Variants in SASH1 observed in about 807,000 individuals in gnomAD.
SASH1 encodes SAM and SH3 domain containing 1.
SASH1 carries 44 observed loss-of-function variants against 125.2 expected under a neutral mutation model. That is an observed-to-expected ratio of 0.35 (90% CI 0.28 to 0.45). SASH1 has a LOEUF of 0.45. SASH1 is among the 20% of genes least tolerant of loss of function. SASH1 has a pLI of 1.00. For synonymous variants in SASH1, 639 were observed against 649.1 expected (o/e 0.98, Z 0.24); for missense variants, 1,426 against 1,614.5 (o/e 0.88, Z 2.00).
chr6:148,482,021 A>C (rs1778643051), intron 7 of SASH1, among the ~76,000 whole-genome samples: 1 of 149,412 alleles, frequency 6.7e-6, no homozygotes, highest in Non-Finnish European at 1.5e-5. Context: ...TTGGCAAGTA[A>C]GTTCAGGACA....
At chr6:148,369,200 A>C (rs1782612649) in intron 1 of SASH1, among the ~76,000 whole-genome samples, 1 of 152,194 alleles carries the variant, frequency 6.6e-6, no homozygotes, top group South Asian at 2.1e-4. Flanking sequence ...TGCAGCACAG[A>C]GGGAGAATCT....
chr6:148,448,621 C>A (rs6570849), intron 4 of SASH1, among the ~76,000 whole-genome samples: 5 of 151,932 alleles, frequency 3.3e-5, no homozygotes, highest in Non-Finnish European at 7.4e-5. Context: ...TGAGTGCACC[C>A]CAGGCTTTTT....
At chr6:148,371,280 A>G (rs1782690898) in intron 1 of SASH1, among the ~76,000 whole-genome samples, 1 of 151,334 alleles carries the variant, frequency 6.6e-6, no homozygotes, top group Admixed American at 6.6e-5. Context: ...CTAGTTGGCT[A>G]TTCTTTTTTT....
At chr6:148,200,366 A>C in the SASH1 span, among the ~76,000 whole-genome samples, 2 of 152,034 alleles carry the variant, frequency 1.3e-5, no homozygotes, top group African/African-American at 4.8e-5. Flanking sequence ...CTAGAAGCTC[A>C]AGGCTGCGCT....
chr6:148,533,959 C>T lies in SASH1; in HGVS notation c.1923C>T (p.Leu641=). The T allele has an allele frequency of 1.9e-6, 3 of 1,613,966 alleles. No individual in the cohort carries two copies. Among genetic ancestry groups the T allele is most frequent in the Non-Finnish European group, 2.5e-6 (3 of 1,179,874 alleles). The change falls in exon 15 of 20, where the codon CTC becomes CTT. Residue 641 remains leucine, a synonymous_variant. Coordinates refer to ENST00000367467, the MANE Select transcript of SASH1 (RefSeq NM_015278.5). The surrounding 1 kb of genome is among the most constrained non-coding windows in gnomAD (Gnocchi z 6.2). ...CCCAGCCCAAGTCTGTGGAGGATCT[C>T]CTGGATCGGATTAACCTAAAAGTCA... ...RPPQPKSVED[L]LDRINLKEHM...
chr6:148,393,351 C>T (rs1225734311), intron 2 of SASH1, among the ~76,000 whole-genome samples: 14 of 151,990 alleles, frequency 9.2e-5, no homozygotes, highest in South Asian at 2.1e-4. Flanking sequence ...TAAGCCACCG[C>T]GCCTGGCCAG....
At chr6:148,416,376 T>G (rs536197408) in intron 2 of SASH1, among the ~76,000 whole-genome samples, 4 of 152,250 alleles carry the variant, frequency 2.6e-5, no homozygotes, top group Admixed American at 1.3e-4. Flanking sequence ...TGTACACTCT[T>G]TTTGAGGAAT....
chr6:148,544,797 G>A lies in SASH1; in HGVS notation c.3327G>A (p.Thr1109=), dbSNP rs141946222. The change falls in exon 18 of 20, where the codon ACG becomes ACA. Residue 1109 remains threonine, a synonymous_variant. Transcript: ENST00000367467. The surrounding 1 kb of genome is among the most constrained non-coding windows in gnomAD (Gnocchi z 6.4). Reference sequence around the variant, plus strand: ...TGCACGCTGAAGGCATCGATCTCACGGAGGAGCCGTATTCTGATAAGGTAT... The same window carrying A: ...TGCACGCTGAAGGCATCGATCTCACAGAGGAGCCGTATTCTGATAAGGTAT... ...NKLHAEGIDL[T]EEPYSDKHGR... 4,389 of 1,594,610 alleles carry A rather than the reference G, an allele frequency of 2.8e-3. 9 individuals are homozygous for A. Among genetic ancestry groups the A allele is most frequent in the Non-Finnish European group, 3.5e-3 (4,138 of 1,170,512 alleles).
chr6:148,473,879 T>G (rs1043481267), intron 6 of SASH1, among the ~76,000 whole-genome samples: 1 of 152,170 alleles, frequency 6.6e-6, no homozygotes, highest in African/African-American at 2.4e-5. Context: ...AAGGATTTGT[T>G]TCTATGGTGA....
chr6:148,326,359 C>CATATATATATATATAT (rs1212032481), intron 1 of SASH1, among the ~76,000 whole-genome samples: 1 of 14,604 alleles, frequency 6.8e-5, no homozygotes, highest in Non-Finnish European at 1.3e-4. Flanking sequence ...TATATATATG[C>CATATATATATATATAT]ATATATATAT....
chr6:148,476,748 A>G (rs917875433), intron 7 of SASH1, among the ~76,000 whole-genome samples: 1 of 152,300 alleles, frequency 6.6e-6, no homozygotes, highest in Non-Finnish European at 1.5e-5. Flanking sequence ...AATACCTAGA[A>G]CAGCCAAAGC....
chr6:148,234,642 A>T, the SASH1 span, among the ~76,000 whole-genome samples: 2 of 152,086 alleles, frequency 1.3e-5, no homozygotes, highest in Admixed American at 1.3e-4. Flanking sequence ...TCTGGCCAAC[A>T]TGAGGAAACC....
rs1235807218 is a variant in SASH1 at position 148,437,195 on chromosome 6, A to G, written c.286-2989A>G. On this transcript the variant is annotated intron_variant, in intron 2 of 19. Coordinates refer to ENST00000367467, the MANE Select transcript of SASH1 (RefSeq NM_015278.5). ...GTGTTATAATAACGGAATTTTGCCAATAGTTTATTCCATTTTTCTTTCTCC... is the reference window on the plus strand; with the variant it reads ...GTGTTATAATAACGGAATTTTGCCAGTAGTTTATTCCATTTTTCTTTCTCC... 4.6e-5 allele frequency among the ~76,000 whole-genome samples: 7 copies of G among 152,274 alleles called. No individual in the cohort carries two copies. In the East Asian group the frequency reaches 1.3e-3, roughly 29 times the overall value.
At chr6:148,383,466 AGTCT>A (rs1783235028) in intron 1 of SASH1, among the ~76,000 whole-genome samples, 2 of 152,190 alleles carry the variant, frequency 1.3e-5, no homozygotes, top group African/African-American at 4.8e-5. Flanking sequence ...AGGAGTCAGC[AGTCT>A]GTCTTTCTCT....
chr6:148,533,956 T>A lies in SASH1; in HGVS notation c.1920T>A (p.Asp640Glu). The A allele has an allele frequency of 6.2e-7, 1 of 1,613,958 alleles. No homozygotes were observed. The highest frequency in any genetic ancestry group is 8.5e-7 in the Non-Finnish European group (1 of 1,179,876). Residue 640 changes from aspartate to glutamate, a missense_variant, in exon 15 of 20, where the codon GAT becomes GAA. This residue lies in a region of SASH1 where 225 missense variants were observed against 344.5 expected (regional missense o/e 0.65). Transcript: ENST00000367467. This position sits in a 1 kb window ranked among gnomAD's most constrained non-coding sequence, Gnocchi z 6.2. ...CACCCCAGCCCAAGTCTGTGGAGGA[T>A]CTCCTGGATCGGATTAACCTAAAAG... Reference protein sequence around the residue: ...GRPPQPKSVEDLLDRINLKEH... With the variant: ...GRPPQPKSVEELLDRINLKEH...
intron 1 of SASH1, among the ~76,000 whole-genome samples, chr6:148,305,641 A>AG (rs200811697): frequency 0.16 from 21,043 of 128,952 alleles, 1,600 homozygotes; most frequent in South Asian, 0.23. Flanking sequence ...AAAAAAAAAA[A>AG]AAAGAAAGAA....
At chr6:148,307,048 CTT>C (rs1373405668) in intron 1 of SASH1, among the ~76,000 whole-genome samples, 5 of 120,438 alleles carry the variant, frequency 4.2e-5, no homozygotes, top group African/African-American at 1.1e-4. Flanking sequence ...TTCTTTCTTT[CTT>C]TCTTTCTTTC....
chr6:148,447,497 T>A lies in SASH1; in HGVS notation c.386+7090T>A, dbSNP rs529686422. ...ATCTTTGTCTTCACCCTCTTTCCTCTGACTGCAGGGAAGAAGTCCCAGCAC... is the reference window on the plus strand; with the variant it reads ...ATCTTTGTCTTCACCCTCTTTCCTCAGACTGCAGGGAAGAAGTCCCAGCAC... On this transcript the variant is annotated intron_variant, in intron 4 of 19. Coordinates refer to ENST00000367467, the MANE Select transcript of SASH1 (RefSeq NM_015278.5). Among the ~76,000 whole-genome samples the A allele has an allele frequency of 4.2e-4, 64 of 152,304 alleles. 1 individual carries two copies. In the South Asian group the frequency reaches 6.2e-3, roughly 15 times the overall value.
intron 1 of SASH1, among the ~76,000 whole-genome samples, chr6:148,296,746 G>T (rs1562311282): frequency 6.6e-6 from 1 of 152,190 alleles, no homozygotes; most frequent in African/African-American, 2.4e-5. Context: ...CTTCGGTGCG[G>T]CAGTTTGGAG....
Sources: allele counts gnomAD v4.1 joint callset (sites outside exome capture counted in the v4.1 genomes callset), GRCh38; gene constraint gnomAD v4.1.1; regional missense constraint gnomAD v4.1.1; non-coding constraint Gnocchi (gnomAD v3.1); transcripts MANE v1.5; gene names NCBI Gene and HGNC (gene_info 2026-07-23, HGNC 2026-07-21).